The following SPEN variants were observed in gnomAD, a reference collection of about 807,000 sequenced individuals.
The protein encoded by SPEN is spen family transcriptional repressor.
A neutral mutation model predicts 269.9 loss-of-function variants in SPEN; 18 were observed. That is an observed-to-expected ratio of 0.07 (90% CI 0.05 to 0.10). The LOEUF (loss-of-function observed/expected upper bound fraction) is 0.10. Ranked by LOEUF, SPEN falls within the 10% of genes least tolerant of loss-of-function variation. The probability of loss-of-function intolerance (pLI) is 1.00; values close to 1 mark genes in which losing one functional copy is unlikely to be tolerated. For synonymous variants in SPEN, 1,726 were observed against 1,765.7 expected (o/e 0.98, Z 0.56); for missense variants, 3,822 against 4,631.2 (o/e 0.83, Z 5.07).
At chr1:15,857,177 A>G (rs2070395720) in intron 1 of SPEN, among the ~76,000 whole-genome samples, 2 of 150,732 alleles carry the variant, frequency 1.3e-5, no homozygotes, top group South Asian at 2.1e-4. Context: ...AGATCCTCCC[A>G]TCTTAGCTTT....
At chr1:15,908,145 TA>T (rs1162697683) in intron 3 of SPEN, among the ~76,000 whole-genome samples, 1 of 152,106 alleles carries the variant, frequency 6.6e-6, no homozygotes, top group Non-Finnish European at 1.5e-5. Flanking sequence ...ATTGTTTTCC[TA>T]AAAATTACCC....
intron 1 of SPEN, among the ~76,000 whole-genome samples, chr1:15,868,244 G>A (rs1167156173): frequency 6.6e-6 from 1 of 151,560 alleles, no homozygotes; most frequent in Non-Finnish European, 1.5e-5. Flanking sequence ...ATGGTTTCAA[G>A]TGATCCTCCC....
chr1:15,879,592 A>T (rs1055929882), intron 3 of SPEN, among the ~76,000 whole-genome samples: 1 of 152,196 alleles, frequency 6.6e-6, no homozygotes, highest in Admixed American at 6.5e-5. Context: ...TATTTTATCA[A>T]GTTAGGGTAG....
At position 15,932,645 on chromosome 1, in the gene SPEN, C is replaced by T. The variant is rs1265106984; in HGVS notation, c.6405C>T (p.Ser2135=). Residue 2135 remains serine (S), a synonymous_variant, in exon 11 of 15, where the codon TCC becomes TCT. Transcript: ENST00000375759. This position sits in a 1 kb window ranked among gnomAD's most constrained non-coding sequence, Gnocchi z 4.2. Reference sequence around the variant, plus strand: ...CCCAAAAGGAGGATGGTTTATCATCCCAGTTGAAAAGTGATCCAGTTGATC... The same window carrying T: ...CCCAAAAGGAGGATGGTTTATCATCTCAGTTGAAAAGTGATCCAGTTGATC... ...ESPQKEDGLS[S]QLKSDPVDPD... The T allele has an allele frequency of 1.9e-6, 3 of 1,612,318 alleles. No homozygotes were observed. Among genetic ancestry groups the T allele is most frequent in the South Asian group, 2.2e-5 (2 of 90,972 alleles).
rs1413938451 is a variant in SPEN, at chr1:15,848,345, A to T, written c.83+195A>T. ...TCGGGTGTCGGCGGTGCGGGCGGCC[A>T]AGCCGCGCCGCCTTCGAAGAGCCCG... On this transcript the variant is annotated intron_variant, in intron 1 of 14. Transcript: ENST00000375759. The surrounding 1 kb of genome is among the most constrained non-coding windows in gnomAD (Gnocchi z 5.1). 6.6e-6 allele frequency among the ~76,000 whole-genome samples: 1 copy of T among 151,010 alleles called. No individual in the cohort carries two copies. Among genetic ancestry groups the T allele is most frequent in the Non-Finnish European group, 1.5e-5 (1 of 67,620 alleles).
intron 3 of SPEN, among the ~76,000 whole-genome samples, chr1:15,906,259 T>G (rs536858058): frequency 6.6e-6 from 1 of 152,208 alleles, no homozygotes; most frequent in East Asian, 1.9e-4. Context: ...TCAGCAAACA[T>G]TTTTTCTTCT....
Position 15,937,349 on chromosome 1 carries a change from C to T in SPEN, c.10213C>T (p.Pro3405Ser). Residue 3405 changes from proline (P) to serine (S), a missense_variant, in exon 12 of 15, where the codon CCA (proline) becomes TCA (serine). Coordinates refer to ENST00000375759, the MANE Select transcript of SPEN (RefSeq NM_015001.3). This position sits in a 1 kb window ranked among gnomAD's most constrained non-coding sequence, Gnocchi z 5.7. ...TQTGVEQPRLPAGPANRPPEP... is the reference protein window; with the variant it reads ...TQTGVEQPRLSAGPANRPPEP... The stretch of plus-strand genomic sequence containing the variant: ...GACGGGAGTAGAGCAGCCTCGCCTC[C>T]CAGCTGGACCTGCAAACAGGCCACC... 2 of 1,613,950 alleles carry T rather than the reference C, an allele frequency of 1.2e-6. No individual in the cohort carries two copies. Among genetic ancestry groups the T allele is most frequent in the Non-Finnish European group, 1.7e-6 (2 of 1,180,002 alleles).
chr1:15,880,709 A>AG (rs1289239496), intron 3 of SPEN, among the ~76,000 whole-genome samples: 1 of 151,956 alleles, frequency 6.6e-6, no homozygotes, highest in African/African-American at 2.4e-5. Flanking sequence ...CACCCACCTC[A>AG]GCCTCCCAGA....
rs748198500 is a variant in SPEN at position 15,931,398 on chromosome 1, G to A, written c.5158G>A (p.Glu1720Lys). 12 of 1,614,040 alleles carry A rather than the reference G, an allele frequency of 7.4e-6. No homozygotes were observed. Among genetic ancestry groups the A allele is most frequent in the Non-Finnish European group, 9.3e-6 (11 of 1,180,046 alleles). ...KEAAMMPAGVEEGSSGDQPPY... is the reference protein window; with the variant it reads ...KEAAMMPAGVKEGSSGDQPPY... ...AGCTGCCATGATGCCTGCGGGTGTT[G>A]AGGAAGGTTCATCAGGTGACCAGCC... Residue 1720 changes from glutamate (E) to lysine (K), a missense_variant, in exon 11 of 15, where the codon GAG (glutamate) becomes AAG (lysine). By Grantham distance (56) the Glu-to-Lys change is moderately conservative (BLOSUM62 1). This residue lies in a region of SPEN where 533 missense variants were observed against 618.8 expected (regional missense o/e 0.86). Coordinates refer to ENST00000375759, the MANE Select transcript of SPEN (RefSeq NM_015001.3). The surrounding 1 kb of genome is among the most constrained non-coding windows in gnomAD (Gnocchi z 4.8).
chr1:15,939,461 C>G lies in SPEN; in HGVS notation c.*34C>G. 6.6e-7 allele frequency: 1 copy of G among 1,524,656 alleles called. No homozygotes were observed. 94.4% of individuals were successfully genotyped at this position (1,524,656 alleles called of 1,614,324 possible). Reference sequence around the variant, plus strand: ...GTGGTTATCACCTCAGTGAATCTTCCCAGGGCTCTGCAGTAAAAACAAAGG... The same window carrying G: ...GTGGTTATCACCTCAGTGAATCTTCGCAGGGCTCTGCAGTAAAAACAAAGG... On this transcript the variant is annotated 3_prime_UTR_variant, in exon 15 of 15. Transcript: ENST00000375759. This position sits in a 1 kb window ranked among gnomAD's most constrained non-coding sequence, Gnocchi z 4.1.
Position 15,935,176 on chromosome 1 carries a change from G to A in SPEN, c.8936G>A (p.Gly2979Glu). ...ETKVLQPANL[G>E]STLTPHHPPA... ...AAGGTCCTTCAGCCGGCCAACCTGGGGTCCACGCTCACGCCCCACCACCCT... is the reference window on the plus strand; with the variant it reads ...AAGGTCCTTCAGCCGGCCAACCTGGAGTCCACGCTCACGCCCCACCACCCT... The change falls in exon 11 of 15, where the codon GGG (glycine) becomes GAG (glutamate). Residue 2979 changes from glycine (G) to glutamate (E), a missense_variant. Coordinates refer to ENST00000375759, the MANE Select transcript of SPEN (RefSeq NM_015001.3). This position sits in a 1 kb window ranked among gnomAD's most constrained non-coding sequence, Gnocchi z 7.7. 5.0e-6 allele frequency: 8 copies of A among 1,613,928 alleles called. No homozygotes were observed. Among genetic ancestry groups the A allele is most frequent in the Non-Finnish European group, 6.8e-6 (8 of 1,179,926 alleles).
chr1:15,848,140 C>T lies in SPEN; in HGVS notation c.73C>T (p.His25Tyr). 1.1e-5 allele frequency: 17 copies of T among 1,492,226 alleles called. No homozygotes were observed. Among genetic ancestry groups the T allele is most frequent in the Non-Finnish European group, 1.5e-5 (17 of 1,112,202 alleles). 92.4% of individuals were successfully genotyped at this position (1,492,226 alleles called of 1,614,324 possible). A position where few individuals can be genotyped will look rare whatever the true frequency, so the allele number is the denominator to read the frequency against. Residue 25 changes from histidine (H) to tyrosine (Y), a missense_variant, in exon 1 of 15, where the codon CAT becomes TAT. Around this residue, in one of 16 missense-constraint regions of SPEN, gnomAD observed 51 missense variants for 56.1 expected, o/e 0.91. Transcript: ENST00000375759. The surrounding 1 kb of genome is among the most constrained non-coding windows in gnomAD (Gnocchi z 5.1). Reference protein sequence around the residue: ...ENVREEKIIEHFKRYGRVESV... With the variant: ...ENVREEKIIEYFKRYGRVESV... ...CGTGCGGGAAGAGAAGATCATCGAG[C>T]ATTTCAAACGGTGAGTGACACGAGG...
chr1:15,904,135 C>G (rs1326500926), intron 3 of SPEN, among the ~76,000 whole-genome samples: 2 of 152,116 alleles, frequency 1.3e-5, no homozygotes, highest in East Asian at 1.9e-4. Context: ...CATTTTGATT[C>G]AAGATCTTGA....
intron 3 of SPEN, among the ~76,000 whole-genome samples, chr1:15,901,525 C>T (rs2148724201): frequency 6.6e-6 from 1 of 151,088 alleles, no homozygotes; most frequent in East Asian, 2.0e-4. Context: ...TACGTGTGGT[C>T]TGTGGTCCCA....
rs116382836 is a variant in SPEN, at chr1:15,938,070, C to T, written c.10704+64C>T. 3.4e-5 allele frequency: 48 copies of T among 1,415,590 alleles called. No individual in the cohort carries two copies. The African/African-American group carries it at 6.0e-4, about 18-fold the overall frequency. The allele number at this position is 1,415,590 out of a possible 1,614,324, so 87.7% of individuals were successfully genotyped here. On this transcript the variant is annotated intron_variant, in intron 13 of 14. Transcript: ENST00000375759. ...ACAGGGAGGAAGACGTAGGTAGTCC[C>T]TGCCAGCCCATCTCCCTGGCCTGTC...
intron 8 of SPEN, among the ~76,000 whole-genome samples, chr1:15,920,290 A>T (rs1230791510): frequency 6.6e-6 from 1 of 152,122 alleles, no homozygotes; most frequent in Non-Finnish European, 1.5e-5. Flanking sequence ...GCTGGTCTCA[A>T]ACTCCTGACC....
intron 4 of SPEN, among the ~76,000 whole-genome samples, chr1:15,910,040 C>T (rs541512918): frequency 1.4e-5 from 2 of 142,910 alleles, no homozygotes; most frequent in African/African-American, 2.6e-5. Flanking sequence ...AGGAGAATGG[C>T]GTGAACCCAG....
At chr1:15,911,383 C>A in intron 5 of SPEN, 82 bp downstream of exon 5, 1 of 1,089,820 alleles carries the variant, frequency 9.2e-7, no homozygotes, top group Non-Finnish European at 1.4e-6. Flanking sequence ...AGCATATGAT[C>A]CTGAATGAGG....
In SPEN at chr1:15,934,414, T is replaced by G; in HGVS notation, c.8174T>G (p.Val2725Gly). 6.2e-7 allele frequency: 1 copy of G among 1,613,770 alleles called. No homozygotes were observed. The highest frequency in any genetic ancestry group is 8.5e-7 in the Non-Finnish European group (1 of 1,180,024). ...ACAGTGAATGCCGCCCCAGGCACAG[T>G]CAATGCCGCTGCGAGTGCAGTGAAT... ...VGTVNAAPGT[V>G]NAAASAVNAT... Residue 2725 changes from valine to glycine, a missense_variant, in exon 11 of 15, where the codon GTC becomes GGC. This residue lies in a region of SPEN where 329 missense variants were observed against 431.2 expected (regional missense o/e 0.76). Transcript: ENST00000375759. The surrounding 1 kb of genome is among the most constrained non-coding windows in gnomAD (Gnocchi z 9.2).
Sources: gnomAD v4.1 joint callset for allele counts (sites outside exome capture counted in the v4.1 genomes callset) on GRCh38, gnomAD v4.1.1 for gene constraint, gnomAD v4.1.1 regional missense constraint, Gnocchi (gnomAD v3.1) non-coding constraint, MANE v1.5 for transcripts, NCBI Gene and HGNC (gene_info 2026-07-23, HGNC 2026-07-21) for gene names.